RNF217: variants seen among roughly 807,000 people sequenced by gnomAD.
The protein encoded by RNF217 is ring finger protein 217, also known as E3 ubiquitin-protein ligase RNF217.
Under a neutral mutation model 57.8 loss-of-function variants are expected in RNF217, and 31 were observed. The ratio of observed to expected loss-of-function variants is 0.54; its 90% CI spans 0.40 to 0.72. The LOEUF (loss-of-function observed/expected upper bound fraction) is 0.72. Among genes scored for constraint, RNF217 ranks in the 30% least tolerant of loss-of-function variants. RNF217 has a pLI of 0.00. For missense variants in RNF217, 696 were observed against 708.3 expected (o/e 0.98, Z 0.20); for synonymous variants, 313 against 294.0 (o/e 1.06, Z -0.66).
Position 125,083,012 on chromosome 6 carries a change from C to T in RNF217, c.*75C>T. On this transcript the variant is annotated 3_prime_UTR_variant, in exon 6 of 6. Coordinates refer to ENST00000521654, the MANE Select transcript of RNF217 (RefSeq NM_001286398.3). The stretch of plus-strand genomic sequence containing the variant: ...AAAGGGTACACCCATCTGTGAGTCA[C>T]ATCTTGAAAAACACTGAGAGGAACC... 3.0e-6 allele frequency: 3 copies of T among 1,004,570 alleles called. No homozygotes were observed. In the South Asian group the frequency reaches 5.2e-5, roughly 17 times the overall value. The allele number at this position is 1,004,570 out of a possible 1,614,324, so 62.2% of individuals were successfully genotyped here.
chr6:125,034,786 G>A (rs1055120406), intron 1 of RNF217, among the ~76,000 whole-genome samples: 8 of 152,028 alleles, frequency 5.3e-5, no homozygotes, highest in Non-Finnish European at 1.2e-4. Context: ...ATTACCTTGG[G>A]CAGTATGGCC....
intron 1 of RNF217, among the ~76,000 whole-genome samples, chr6:125,015,851 A>G (rs1385765189): frequency 6.6e-6 from 1 of 152,172 alleles, no homozygotes; most frequent in African/African-American, 2.4e-5. Context: ...AAGTCCAGCA[A>G]TTAGAGATTA....
At chr6:125,031,464 T>TTGCTTGGGTC (rs1274057999) in intron 1 of RNF217, among the ~76,000 whole-genome samples, 1 of 152,234 alleles carries the variant, frequency 6.6e-6, no homozygotes. Flanking sequence ...AGTCAACTCT[T>TTGCTTGGGTC]AAATGCTTTG....
chr6:124,975,255 A>G (rs1386032860), intron 1 of RNF217, among the ~76,000 whole-genome samples: 2 of 152,200 alleles, frequency 1.3e-5, no homozygotes, highest in Non-Finnish European at 1.5e-5. Context: ...CGGTTGCTTA[A>G]CAATTTAAAA....
chr6:125,065,254 G>T (rs1787894994), intron 3 of RNF217, among the ~76,000 whole-genome samples: 1 of 143,256 alleles, frequency 7.0e-6, no homozygotes, highest in East Asian at 2.0e-4. Flanking sequence ...TGACGCCACT[G>T]CACTCCAGCC....
At chr6:124,986,799 T>A (rs1784381601) in intron 1 of RNF217, among the ~76,000 whole-genome samples, 1 of 152,114 alleles carries the variant, frequency 6.6e-6, no homozygotes, top group African/African-American at 2.4e-5. Context: ...ATTGAGAAAA[T>A]TGAAAATATA....
chr6:124,991,900 T>C (rs1173009328), intron 1 of RNF217, among the ~76,000 whole-genome samples: 1 of 152,224 alleles, frequency 6.6e-6, no homozygotes, highest in Non-Finnish European at 1.5e-5. Context: ...AGCACTTTTC[T>C]GTCATACCAG....
At chr6:125,002,114 A>G (rs2114289555) in intron 1 of RNF217, among the ~76,000 whole-genome samples, 1 of 152,334 alleles carries the variant, frequency 6.6e-6, no homozygotes, top group South Asian at 2.1e-4. Context: ...AAAATACTGG[A>G]GAGACTAATA....
chr6:125,073,049 G>A (rs542641560), intron 3 of RNF217, among the ~76,000 whole-genome samples: 11 of 152,294 alleles, frequency 7.2e-5, no homozygotes, highest in East Asian at 1.9e-4. Flanking sequence ...GATCACCCAC[G>A]ACACTGCTAT....
chr6:125,057,924 GA>G lies in RNF217; in HGVS notation c.1117-17del, dbSNP rs1787581695. ...CAGTATATCCACTAGTAATTAATAT[GA>G]TTTTTTTCTTACACAGATCCAGTGC... On this transcript the variant is annotated splice_polypyrimidine_tract_variant and intron_variant, in intron 2 of 5. Coordinates refer to ENST00000521654, the MANE Select transcript of RNF217 (RefSeq NM_001286398.3). The G allele has an allele frequency of 6.3e-7, 1 of 1,580,388 alleles. No homozygotes were observed. The highest frequency in any genetic ancestry group is 8.6e-7 in the Non-Finnish European group (1 of 1,161,550).
chr6:125,080,558 T>C (rs1479604886), intron 4 of RNF217, among the ~76,000 whole-genome samples: 5 of 152,098 alleles, frequency 3.3e-5, no homozygotes, highest in East Asian at 3.9e-4. Flanking sequence ...TCATCTCTTA[T>C]TGCATTTGAG....
At chr6:124,995,505 A>T (rs1474430448) in intron 1 of RNF217, among the ~76,000 whole-genome samples, 1 of 152,174 alleles carries the variant, frequency 6.6e-6, no homozygotes, top group African/African-American at 2.4e-5. Context: ...TAGGACTTTT[A>T]CTTTATTCAA....
chr6:125,011,712 G>C (rs538270684), intron 1 of RNF217, among the ~76,000 whole-genome samples: 3 of 152,210 alleles, frequency 2.0e-5, no homozygotes, highest in East Asian at 1.9e-4. Context: ...TTTTAAAAAT[G>C]ATTTACTAGG....
At chr6:125,046,744 A>G (rs1787112993) in intron 2 of RNF217, 1 of 452,672 alleles carries the variant, frequency 2.2e-6, no homozygotes, top group Non-Finnish European at 4.4e-6. Context: ...ATGGTTTAGC[A>G]GGTAGTTTCC....
intron 2 of RNF217, among the ~76,000 whole-genome samples, chr6:125,052,416 G>C (rs1787361175): frequency 6.6e-6 from 1 of 151,102 alleles, no homozygotes; most frequent in Non-Finnish European, 1.5e-5. Flanking sequence ...CTTAGTTTTA[G>C]CTGTGCTGTG....
chr6:125,024,357 C>A (rs1198414315), intron 1 of RNF217, among the ~76,000 whole-genome samples: 1 of 146,276 alleles, frequency 6.8e-6, no homozygotes, highest in East Asian at 2.1e-4. Context: ...CTGAGGCAGG[C>A]GGATCACCTG....
rs17052714 is a variant in RNF217 at position 125,080,686 on chromosome 6, G to C, written c.1484-750G>C. On this transcript the variant is annotated intron_variant, in intron 4 of 5. Coordinates refer to ENST00000521654, the MANE Select transcript of RNF217 (RefSeq NM_001286398.3). ...CAAAGTCAGTGGGATTCTGATGTTGGACTCTGCTATGTATACTTATGGCTA... is the reference window on the plus strand; with the variant it reads ...CAAAGTCAGTGGGATTCTGATGTTGCACTCTGCTATGTATACTTATGGCTA... Among the ~76,000 whole-genome samples, 602 of 152,146 alleles carry C rather than the reference G, an allele frequency of 4.0e-3. 3 individuals carry two copies. Among genetic ancestry groups the C allele is most frequent in the African/African-American group, 0.014 (574 of 41,532 alleles).
chr6:125,081,813 A>G (rs558826136), intron 5 of RNF217, among the ~76,000 whole-genome samples: 2 of 152,190 alleles, frequency 1.3e-5, no homozygotes, highest in South Asian at 4.1e-4. Flanking sequence ...GTGGAATAGA[A>G]CCCAAATTTT....
At chr6:125,081,559 A>C (rs1224899348) in intron 5 of RNF217, 52 bp downstream of exon 5, 1 of 1,396,884 alleles carries the variant, frequency 7.2e-7, no homozygotes, top group South Asian at 1.2e-5. Flanking sequence ...GGCCATAGAG[A>C]GAATACGAGT....
Sources: allele counts gnomAD v4.1 joint callset (sites outside exome capture counted in the v4.1 genomes callset), GRCh38; gene constraint gnomAD v4.1.1; transcripts MANE v1.5; gene names NCBI Gene and HGNC (gene_info 2026-07-23, HGNC 2026-07-21).